MATN2: variants seen among roughly 807,000 people sequenced by gnomAD.
MATN2 encodes matrilin-2.
In MATN2, 69 loss-of-function variants were observed where a neutral mutation model predicts 103.2. The observed-to-expected ratio is 0.67, with a 90% CI of 0.55 to 0.82. The LOEUF (loss-of-function observed/expected upper bound fraction) is 0.82, where lower values mean the gene tolerates loss of function less well. Ranked by LOEUF, MATN2 falls within the 40% of genes least tolerant of loss-of-function variation. The pLI is 0.00. For missense variants in MATN2, 1,023 were observed against 1,211.5 expected (o/e 0.84, Z 2.31); for synonymous variants, 429 against 450.2 (o/e 0.95, Z 0.60).
At chr8:97,938,995 G>A (rs6981217) in intron 3 of MATN2, among the ~76,000 whole-genome samples, 1 of 151,760 alleles carries the variant, frequency 6.6e-6, no homozygotes, top group African/African-American at 2.4e-5. Context: ...TCAGCCTCCC[G>A]AGTAGCTGGG....
intron 2 of MATN2, among the ~76,000 whole-genome samples, chr8:97,890,764 T>C (rs1029195750): frequency 6.6e-6 from 1 of 152,260 alleles, no homozygotes; most frequent in Non-Finnish European, 1.5e-5. Context: ...TCATTTTGGC[T>C]GAAGTTATGG....
chr8:97,953,116 TGTC>T (rs1297461082), intron 4 of MATN2, among the ~76,000 whole-genome samples: 1 of 151,826 alleles, frequency 6.6e-6, no homozygotes, highest in Non-Finnish European at 1.5e-5. Flanking sequence ...AGAGACAAGA[TGTC>T]GTTCTGTTGC....
intron 2 of MATN2, among the ~76,000 whole-genome samples, chr8:97,909,891 C>A (rs1324102364): frequency 1.3e-5 from 2 of 150,098 alleles, no homozygotes; most frequent in African/African-American, 4.9e-5. Context: ...TCAGGCCATT[C>A]TCCTGCCTCA....
At chr8:97,968,699 C>A (rs1460033480) in intron 5 of MATN2, among the ~76,000 whole-genome samples, 6 of 152,222 alleles carry the variant, frequency 3.9e-5, no homozygotes, top group African/African-American at 1.4e-4. Context: ...ATCAGCCTGG[C>A]CTTTACTGTC....
chr8:97,879,380 G>A (rs1586368819), intron 1 of MATN2, among the ~76,000 whole-genome samples: 1 of 152,228 alleles, frequency 6.6e-6, no homozygotes, highest in African/African-American at 2.4e-5. Flanking sequence ...GAGGTGGGCA[G>A]TGGCCAGTCA....
intron 3 of MATN2, among the ~76,000 whole-genome samples, chr8:97,941,161 C>CAAAAAAAAA (rs1186024165): frequency 1.7e-3 from 133 of 77,958 alleles, no homozygotes; most frequent in East Asian, 2.7e-3. Flanking sequence ...GACCTTGTCT[C>CAAAAAAAAA]AAAAAAAAAA....
At chr8:97,952,984 G>A (rs887173028) in intron 4 of MATN2, among the ~76,000 whole-genome samples, 10 of 145,772 alleles carry the variant, frequency 6.9e-5, no homozygotes, top group Admixed American at 2.1e-4. Context: ...GTGCAGTGGC[G>A]CAATCATAGC....
chr8:98,004,679 C>G lies in MATN2; in HGVS notation c.1327+896C>G, dbSNP rs139197737. On this transcript the variant is annotated intron_variant, in intron 8 of 18. Transcript: ENST00000254898. ...CCTGGCGCCAGACTGGGACAAGAGG[C>G]CGGAGGGGACAGACCTTGGAAAGCA... is the stretch of plus-strand genomic sequence containing the variant. 7.6e-3 allele frequency among the ~76,000 whole-genome samples: 1,150 copies of G among 152,290 alleles called. 9 individuals carry two copies. Among genetic ancestry groups the G allele is most frequent in the African/African-American group, 0.026 (1,080 of 41,562 alleles).
chr8:97,936,437 A>G (rs1386322105), intron 3 of MATN2, among the ~76,000 whole-genome samples: 1 of 151,748 alleles, frequency 6.6e-6, no homozygotes, highest in Non-Finnish European at 1.5e-5. Flanking sequence ...TGGGCAGTCT[A>G]CACTGATGGC....
At chr8:97,899,566 G>A (rs772461751) in intron 2 of MATN2, among the ~76,000 whole-genome samples, 4 of 152,140 alleles carry the variant, frequency 2.6e-5, no homozygotes, top group Non-Finnish European at 4.4e-5. Context: ...GTGTCTCCAC[G>A]TGGTCTTTTC....
chr8:97,877,997 A>C (rs1384301075), intron 1 of MATN2, among the ~76,000 whole-genome samples: 2 of 152,126 alleles, frequency 1.3e-5, no homozygotes, highest in African/African-American at 4.8e-5. Context: ...AAACCAAAAA[A>C]CAAAAACAAA....
Position 98,033,072 on chromosome 8 carries a change from A to G in MATN2, c.2612A>G (p.Asp871Gly). 1 of 1,611,796 alleles carries G rather than the reference A, an allele frequency of 6.2e-7. No individual in the cohort carries two copies. Among genetic ancestry groups the G allele is most frequent in the Non-Finnish European group, 8.5e-7 (1 of 1,179,110 alleles). Residue 871 changes from aspartate to glycine, a missense_variant, in exon 17 of 19, where the codon GAC (aspartate) becomes GGC (glycine). Asp to Gly is a moderately conservative substitution (Grantham distance 94). Coordinates refer to ENST00000254898, the MANE Select transcript of MATN2 (RefSeq NM_002380.5). ...ESEPVTINIQDLLSCSNFAVQ... is the reference protein window; with the variant it reads ...ESEPVTINIQGLLSCSNFAVQ... ...GAGCCAGTCACCATAAATATCCAAG[A>G]CCTACTTTCCTGTTCTAATTTTGCA...
At chr8:98,018,162 A>C (rs1488011558) in intron 12 of MATN2, 46 bp downstream of exon 12, 2 of 1,607,862 alleles carry the variant, frequency 1.2e-6, no homozygotes, top group Non-Finnish European at 1.7e-6. Flanking sequence ...CTGTGGACTC[A>C]GACAGTTAGA....
At position 97,966,239 on chromosome 8, in the gene MATN2, T is replaced by C. The variant is rs539634661; in HGVS notation, c.958+4709T>C. 2.0e-5 allele frequency among the ~76,000 whole-genome samples: 3 copies of C among 151,710 alleles called. No individual in the cohort carries two copies. In the South Asian group the frequency reaches 6.3e-4, roughly 32 times the overall value. ...GCTGTGAGAGTGATGGCAACAGTGATGGAAGAGTGATGGAATCGATTTTCA... is the reference window on the plus strand; with the variant it reads ...GCTGTGAGAGTGATGGCAACAGTGACGGAAGAGTGATGGAATCGATTTTCA... On this transcript the variant is annotated intron_variant, in intron 5 of 18. Transcript: ENST00000254898.
chr8:97,877,142 G>A (rs893314925), intron 1 of MATN2, among the ~76,000 whole-genome samples: 2 of 151,756 alleles, frequency 1.3e-5, no homozygotes, highest in African/African-American at 4.8e-5. Context: ...GAGTAGCTGG[G>A]ACTATAAGTG....
chr8:97,919,934 G>A (rs1809756881), intron 2 of MATN2, among the ~76,000 whole-genome samples: 1 of 152,208 alleles, frequency 6.6e-6, no homozygotes, highest in African/African-American at 2.4e-5. Flanking sequence ...TTTCAAAATA[G>A]GTGACCACAG....
chr8:97,900,504 G>A (rs1340370573), intron 2 of MATN2, among the ~76,000 whole-genome samples: 3 of 152,152 alleles, frequency 2.0e-5, no homozygotes, highest in Admixed American at 6.6e-5. Flanking sequence ...AGTAAACTGC[G>A]GAGGAATTTC....
Position 98,007,676 on chromosome 8 carries a change from A to G in MATN2, c.1573+75A>G, listed in dbSNP as rs1432713483. 30 of 1,527,446 alleles carry G rather than the reference A, an allele frequency of 2.0e-5. No homozygotes were observed. The highest frequency in any genetic ancestry group is 8.5e-5 in the South Asian group (7 of 82,262). The allele number at this position is 1,527,446 out of a possible 1,614,324, so 94.6% of individuals were successfully genotyped here. ...CGGTGTGGGTGCGCTGCCGACGTGT[A>G]TATGTGCCTGTGTGTCCTGTCTCCA... On this transcript the variant is annotated intron_variant, in intron 10 of 18. Coordinates refer to ENST00000254898, the MANE Select transcript of MATN2 (RefSeq NM_002380.5). This position sits in a 1 kb window ranked among gnomAD's most constrained non-coding sequence, Gnocchi z 4.2.
intron 6 of MATN2, among the ~76,000 whole-genome samples, chr8:97,986,397 C>A (rs1195617620): frequency 6.6e-6 from 1 of 152,154 alleles, no homozygotes; most frequent in East Asian, 1.9e-4. Flanking sequence ...GCAACCATCA[C>A]CTGAGCAGGA....
Sources: allele counts gnomAD v4.1 joint callset (sites outside exome capture counted in the v4.1 genomes callset), GRCh38; gene constraint gnomAD v4.1.1; non-coding constraint Gnocchi (gnomAD v3.1); transcripts MANE v1.5; gene names NCBI Gene and HGNC (gene_info 2026-07-23, HGNC 2026-07-21).